ZNF362: variants seen among roughly 807,000 people sequenced by gnomAD.
ZNF362 encodes rotund homolog.
In ZNF362, 11 loss-of-function variants were observed where a neutral mutation model predicts 42.9. The observed-to-expected ratio is 0.26, with a 90% CI of 0.16 to 0.42. The LOEUF (loss-of-function observed/expected upper bound fraction) is 0.42, where lower values mean the gene tolerates loss of function less well. Ranked by LOEUF, ZNF362 falls within the 20% of genes least tolerant of loss-of-function variation. ZNF362 has a pLI of 1.00. For missense variants in ZNF362, 362 were observed against 576.2 expected, an observed-to-expected ratio of 0.63 and a Z score of 3.81; for synonymous variants, 255 against 257.3, an observed-to-expected ratio of 0.99 and a Z score of 0.09.
At chr1:33,175,001 G>GTA in the ZNF362 span, among the ~76,000 whole-genome samples, 450 of 135,642 alleles carry the variant, frequency 3.3e-3, 6 homozygotes, top group African/African-American at 0.012. Context: ...ACACACACAT[G>GTA]TATGTATATG....
chr1:33,281,017 C>T lies in ZNF362; in HGVS notation c.683+560C>T, dbSNP rs201384004. On this transcript the variant is annotated intron_variant, in intron 5 of 8. Coordinates refer to ENST00000539719, the MANE Select transcript of ZNF362 (RefSeq NM_152493.3). The surrounding 1 kb of genome is among the most constrained non-coding windows in gnomAD (Gnocchi z 4.8). ...TTGGGAGGCAGAGGCTGCAGTGAGC[C>T]GAGGTCGGGCCACTGCACTCCAACC... Among the ~76,000 whole-genome samples, 15 of 152,132 alleles carry T rather than the reference C, an allele frequency of 9.9e-5. No individual in the cohort carries two copies. The highest frequency in any genetic ancestry group is 8.3e-4 in the South Asian group (4 of 4,814).
At chr1:33,180,991 C>A in the ZNF362 span, 1 of 1,207,436 alleles carries the variant, frequency 8.3e-7, no homozygotes, top group South Asian at 1.3e-5. Flanking sequence ...CCAGCCCGGC[C>A]CCGCCCCTTC....
the ZNF362 span, among the ~76,000 whole-genome samples, chr1:33,236,576 T>TATATATATATATATATATAC: frequency 3.1e-5 from 3 of 97,894 alleles, no homozygotes; most frequent in East Asian, 1.2e-3. Context: ...TATATATACA[T>TATATATATATATATATATAC]ACACACACAC....
At chr1:33,250,168 T>C in the ZNF362 span, among the ~76,000 whole-genome samples, 2 of 152,316 alleles carry the variant, frequency 1.3e-5, no homozygotes, top group African/African-American at 4.8e-5. Context: ...TAGAGGACCT[T>C]AGCTAGAGGC....
chr1:33,295,037 GC>G, intron 7 of ZNF362, 22 bp downstream of exon 7: 1 of 1,613,760 alleles, frequency 6.2e-7, no homozygotes, highest in South Asian at 1.1e-5. Flanking sequence ...CCTGCCTCCT[GC>G]CCACCAGGTG....
chr1:33,253,569 T>TG, upstream of ZNF362, among the ~76,000 whole-genome samples: 1 of 151,968 alleles, frequency 6.6e-6, no homozygotes, highest in African/African-American at 2.4e-5. Context: ...AGGAGACTCG[T>TG]GGGGCAAAGG....
the ZNF362 span, among the ~76,000 whole-genome samples, chr1:33,180,377 G>A: frequency 1.1e-4 from 16 of 152,206 alleles, no homozygotes; most frequent in Non-Finnish European, 1.8e-4. Flanking sequence ...ATCCGGACCT[G>A]ATCTCAGTCT....
intron 1 of ZNF362, among the ~76,000 whole-genome samples, chr1:33,258,132 T>C (rs1226717370): frequency 2.6e-5 from 4 of 152,302 alleles, no homozygotes; most frequent in East Asian, 3.9e-4. Context: ...TATGCTCTTA[T>C]TCCTTTCTGC....
the ZNF362 span, among the ~76,000 whole-genome samples, chr1:33,219,577 G>A: frequency 3.2e-4 from 48 of 152,318 alleles, no homozygotes; most frequent in African/African-American, 9.6e-4. Flanking sequence ...GCACATGGCC[G>A]TGGGTGAGAT....
At position 33,294,143 on chromosome 1, in the gene ZNF362, A is replaced by T. The variant is rs1420343110; in HGVS notation, c.909-794A>T. ...GTACCCAATGTAATGAATGTGAATG[A>T]ATAACGATAACTGGCAAACGTTGAG... On this transcript the variant is annotated intron_variant, in intron 6 of 8. Transcript: ENST00000539719. The surrounding 1 kb of genome is among the most constrained non-coding windows in gnomAD (Gnocchi z 4.2). Among the ~76,000 whole-genome samples the T allele has an allele frequency of 6.6e-6, 1 of 152,250 alleles. No homozygotes were observed. Among genetic ancestry groups the T allele is most frequent in the African/African-American group, 2.4e-5 (1 of 41,474 alleles).
chr1:33,157,038 C>A, the ZNF362 span, among the ~76,000 whole-genome samples: 1 of 151,216 alleles, frequency 6.6e-6, no homozygotes, highest in Non-Finnish European at 1.5e-5. Flanking sequence ...TCACCCCCTT[C>A]GGTCTATTCT....
chr1:33,210,267 T>C, the ZNF362 span, among the ~76,000 whole-genome samples: 3 of 152,218 alleles, frequency 2.0e-5, no homozygotes, highest in Admixed American at 6.5e-5. Context: ...AGTTCCAATT[T>C]GATTGTACTG....
the ZNF362 span, among the ~76,000 whole-genome samples, chr1:33,235,293 ACCCCG>A: frequency 6.6e-6 from 1 of 150,812 alleles, no homozygotes; most frequent in Non-Finnish European, 1.5e-5. Flanking sequence ...TCCCTGTCCC[ACCCCG>A]CCCCCCAGGC....
the ZNF362 span, among the ~76,000 whole-genome samples, chr1:33,150,015 C>A: frequency 6.6e-6 from 1 of 152,192 alleles, no homozygotes; most frequent in East Asian, 1.9e-4. Flanking sequence ...CTGGCCACAC[C>A]GGCTTAGCAG....
At chr1:33,175,733 C>T in the ZNF362 span, among the ~76,000 whole-genome samples, 1 of 152,032 alleles carries the variant, frequency 6.6e-6, no homozygotes, top group African/African-American at 2.4e-5. Flanking sequence ...TGGTACTGAT[C>T]TCAGTCCCAC....
chr1:33,201,136 A>G, the ZNF362 span, among the ~76,000 whole-genome samples: 1 of 152,242 alleles, frequency 6.6e-6, no homozygotes, highest in African/African-American at 2.4e-5. Flanking sequence ...TAATACATGC[A>G]TGAAGCAAAA....
At chr1:33,174,964 T>C in the ZNF362 span, among the ~76,000 whole-genome samples, 15 of 108,686 alleles carry the variant, frequency 1.4e-4, no homozygotes, top group Non-Finnish European at 2.6e-4. Flanking sequence ...TATATATATA[T>C]ATATACACAC....
intron 1 of ZNF362, among the ~76,000 whole-genome samples, chr1:33,259,502 C>G (rs998593946): frequency 1.3e-5 from 2 of 152,216 alleles, no homozygotes; most frequent in African/African-American, 2.4e-5. Context: ...AATGAGGAGC[C>G]ATTCATTCCT....
chr1:33,253,922 T>C (rs80328708), upstream of ZNF362, among the ~76,000 whole-genome samples: 3 of 152,174 alleles, frequency 2.0e-5, no homozygotes, highest in Non-Finnish European at 4.4e-5. Context: ...TTTTTAGATT[T>C]ATAGAAAAAT....
Sources: allele counts gnomAD v4.1 joint callset (sites outside exome capture counted in the v4.1 genomes callset), GRCh38; gene constraint gnomAD v4.1.1; non-coding constraint Gnocchi (gnomAD v3.1); transcripts MANE v1.5; gene names NCBI Gene and HGNC (gene_info 2026-07-23, HGNC 2026-07-21).